CSMD1: variants seen among roughly 807,000 people sequenced by gnomAD.
CSMD1 encodes the protein CUB and sushi domain-containing protein 1.
Under a neutral mutation model 417.5 loss-of-function variants are expected in CSMD1, and 213 were observed. The ratio of observed to expected loss-of-function variants is 0.51; its 90% CI spans 0.46 to 0.57. The LOEUF (loss-of-function observed/expected upper bound fraction) is 0.57, where lower values mean the gene tolerates loss of function less well. CSMD1 is among the 20% of genes least tolerant of loss of function. The pLI is 0.00. For synonymous variants in CSMD1, 2,862 were observed against 1,736.8 expected (o/e 1.65, Z -16.11); for missense variants, 6,923 against 4,529.7 (o/e 1.53, Z -15.17).
intron 5 of CSMD1, among the ~76,000 whole-genome samples, chr8:3,910,849 G>A (rs929665527): frequency 3.3e-5 from 5 of 152,058 alleles, no homozygotes; most frequent in African/African-American, 1.2e-4. Flanking sequence ...TCTTATTTCT[G>A]CCTTCCTTGG....
intron 5 of CSMD1, among the ~76,000 whole-genome samples, chr8:3,852,073 G>C (rs1803948808): frequency 6.6e-6 from 1 of 152,182 alleles, no homozygotes; most frequent in Admixed American, 6.5e-5. Context: ...GACTGGAGGA[G>C]ATCTTTGCAG....
chr8:3,900,936 T>C (rs576242684), intron 5 of CSMD1, among the ~76,000 whole-genome samples: 1 of 152,358 alleles, frequency 6.6e-6, no homozygotes, highest in Admixed American at 6.5e-5. Context: ...GATTATTAAA[T>C]ACAAGAAGGT....
chr8:3,276,567 T>C (rs1802308261), intron 26 of CSMD1, among the ~76,000 whole-genome samples: 1 of 152,232 alleles, frequency 6.6e-6, no homozygotes, highest in Middle Eastern at 3.4e-3. Context: ...TTCGATTACC[T>C]CCCACTGGGT....
At position 3,695,007 on chromosome 8, in the gene CSMD1, T is replaced by C. The variant is rs182515050; in HGVS notation, c.1009+13407A>G. Among the ~76,000 whole-genome samples, 16 of 151,740 alleles carry C rather than the reference T, an allele frequency of 1.1e-4. No homozygotes were observed. The East Asian group carries it at 2.3e-3, about 22-fold the overall frequency. On this transcript the variant is annotated intron_variant, in intron 7 of 69. Transcript: ENST00000635120. ...GAGTTTTTAAAGATGATTAGGACAT[T>C]AGACGAAGACATGAAAGGGAATTTG...
chr8:3,722,659 T>C (rs529598138), intron 6 of CSMD1, among the ~76,000 whole-genome samples: 18 of 152,352 alleles, frequency 1.2e-4, no homozygotes, highest in East Asian at 3.9e-4. Context: ...AATGTGTATA[T>C]TCCGCACAGA....
At chr8:3,270,924 A>T (rs201912951) in intron 26 of CSMD1, among the ~76,000 whole-genome samples, 36 of 119,284 alleles carry the variant, frequency 3.0e-4, no homozygotes, top group South Asian at 1.1e-3. Context: ...TTTTTTTTTA[A>T]TTTTTTATTT....
chr8:4,288,567 G>C (rs1323414167), intron 3 of CSMD1, among the ~76,000 whole-genome samples: 1 of 152,128 alleles, frequency 6.6e-6, no homozygotes, highest in African/African-American at 2.4e-5. Context: ...TAAGTGAATG[G>C]ATGCAAGTTC....
At chr8:3,568,808 T>G (rs1031140108) in intron 10 of CSMD1, among the ~76,000 whole-genome samples, 1 of 152,068 alleles carries the variant, frequency 6.6e-6, no homozygotes, top group East Asian at 1.9e-4. Flanking sequence ...CCATGATATA[T>G]TTAATCTTTC....
At chr8:4,540,063 CTGTCA>C (rs1797303427) in intron 2 of CSMD1, among the ~76,000 whole-genome samples, 1 of 152,148 alleles carries the variant, frequency 6.6e-6, no homozygotes, top group African/African-American at 2.4e-5. Context: ...CGGCTTCTTT[CTGTCA>C]TATTATTTTC....
intron 8 of CSMD1, among the ~76,000 whole-genome samples, chr8:3,589,318 C>T (rs573270579): frequency 6.6e-6 from 1 of 151,908 alleles, no homozygotes; most frequent in East Asian, 1.9e-4. Flanking sequence ...CTCACAATAG[C>T]CAAGTCGTGG....
chr8:3,652,139 A>G (rs1036251045), intron 7 of CSMD1, among the ~76,000 whole-genome samples: 80 of 150,266 alleles, frequency 5.3e-4, no homozygotes, highest in African/African-American at 1.8e-3. Flanking sequence ...GCTTACCACC[A>G]TCAGAGCGCT....
At chr8:3,187,763 A>G in intron 36 of CSMD1, 106 bp downstream of exon 36, 4 of 790,144 alleles carry the variant, frequency 5.1e-6, no homozygotes, top group Non-Finnish European at 6.4e-6. Flanking sequence ...AGATAGAAGA[A>G]TTGTGTAGGA....
intron 5 of CSMD1, among the ~76,000 whole-genome samples, chr8:3,912,500 A>T (rs917153066): frequency 1.3e-5 from 2 of 152,194 alleles, no homozygotes; most frequent in Non-Finnish European, 2.9e-5. Context: ...AGTGAAACAT[A>T]TTGCATACAA....
chr8:4,158,007 C>A (rs905238332), intron 3 of CSMD1, among the ~76,000 whole-genome samples: 1 of 152,114 alleles, frequency 6.6e-6, no homozygotes, highest in African/African-American at 2.4e-5. Flanking sequence ...TCCTGCTCAA[C>A]TGCCCCCATA....
At position 3,915,915 on chromosome 8, in the gene CSMD1, T is replaced by C. The variant is rs529945012; in HGVS notation, c.818+81988A>G. On this transcript the variant is annotated intron_variant, in intron 5 of 69. Transcript: ENST00000635120. ...AAAATCATATAAATTGTGTGAGTTA[T>C]CTGAGGCAGACCTACATAAACTGGC... Among the ~76,000 whole-genome samples, 58 of 151,164 alleles carry C rather than the reference T, an allele frequency of 3.8e-4. 1 individual carries two copies. In the South Asian group the frequency reaches 4.5e-3, roughly 12 times the overall value.
chr8:3,264,828 A>G (rs1301801034), intron 26 of CSMD1, among the ~76,000 whole-genome samples: 2 of 151,550 alleles, frequency 1.3e-5, no homozygotes, highest in Non-Finnish European at 2.9e-5. Flanking sequence ...TGTAAAAACT[A>G]TACTGATACT....
At chr8:3,216,541 T>A (rs889658315) in intron 29 of CSMD1, among the ~76,000 whole-genome samples, 1 of 152,228 alleles carries the variant, frequency 6.6e-6, no homozygotes, top group African/African-American at 2.4e-5. Context: ...ACAACTTTCT[T>A]CTTTATGCCA....
At chr8:3,900,404 T>G (rs1427961559) in intron 5 of CSMD1, among the ~76,000 whole-genome samples, 7 of 151,406 alleles carry the variant, frequency 4.6e-5, no homozygotes, top group Non-Finnish European at 1.0e-4. Context: ...TATAGGTGGG[T>G]GACAGGGCAG....
At chr8:4,254,334 T>C (rs969462099) in intron 3 of CSMD1, among the ~76,000 whole-genome samples, 4 of 152,194 alleles carry the variant, frequency 2.6e-5, no homozygotes, top group Non-Finnish European at 4.4e-5. Context: ...ATTCGTTCTA[T>C]GGAGAGTCTG....
Sources: allele counts gnomAD v4.1 joint callset (sites outside exome capture counted in the v4.1 genomes callset), GRCh38; gene constraint gnomAD v4.1.1; transcripts MANE v1.5; gene names NCBI Gene and HGNC (gene_info 2026-07-23, HGNC 2026-07-21).